Variants in SLC13A3 observed in about 807,000 individuals in gnomAD.
SLC13A3 encodes the protein solute carrier family 13 member 3.
In SLC13A3, 40 loss-of-function variants were observed where a neutral mutation model predicts 59.0. The observed-to-expected ratio is 0.68, with a 90% CI of 0.53 to 0.88. The LOEUF is 0.88. Ranked by LOEUF, SLC13A3 falls within the 40% of genes least tolerant of loss-of-function variation. SLC13A3 has a pLI of 0.00. For missense variants in SLC13A3, 699 were observed against 783.2 expected (o/e 0.89, Z 1.28); for synonymous variants, 317 against 330.3 (o/e 0.96, Z 0.44).
At chr20:46,672,626 T>C (rs1376177690), upstream of SLC13A3, among the ~76,000 whole-genome samples, 1 of 152,140 alleles carries the variant, frequency 6.6e-6, no homozygotes, top group Non-Finnish European at 1.5e-5. Context: ...TGAACCTAGG[T>C]GAGCTTCTGA....
At chr20:46,608,873 G>A in intron 3 of SLC13A3, 2 of 1,548,236 alleles carry the variant, frequency 1.3e-6, no homozygotes, top group Non-Finnish European at 1.7e-6. Flanking sequence ...TGTGGCTCCT[G>A]TCTTTGGGTC....
chr20:46,607,606 A>C (rs1454332002), intron 3 of SLC13A3, among the ~76,000 whole-genome samples: 1 of 152,210 alleles, frequency 6.6e-6, no homozygotes, highest in Non-Finnish European at 1.5e-5. Flanking sequence ...CTGGACTTCA[A>C]TGCATGGCCA....
intron 1 of SLC13A3, among the ~76,000 whole-genome samples, chr20:46,640,747 G>A (rs1446235862): frequency 6.6e-6 from 1 of 152,198 alleles, no homozygotes; most frequent in African/African-American, 2.4e-5. Context: ...GGACACACGT[G>A]TCTGACTTGT....
At position 46,610,501 on chromosome 20, in the gene SLC13A3, G is replaced by T. The variant is rs769321341; in HGVS notation, c.486C>A (p.Leu162=). ...CCTTTCGAACCTCCTTCTGGCCAAA[G>T]AGACTTTTCAGGATGGCATTGGCAA... ...LPIANAILKS[L]FGQKEVRKDP... is the part of the protein sequence containing the mutation. Residue 162 remains leucine, a synonymous_variant, in exon 3 of 13, where the codon CTC becomes CTA. Coordinates refer to ENST00000279027, the MANE Select transcript of SLC13A3 (RefSeq NM_022829.6). 1.2e-6 allele frequency: 2 copies of T among 1,614,022 alleles called. No homozygotes were observed. The highest frequency in any genetic ancestry group is 2.7e-5 in the African/African-American group (2 of 74,914).
intron 12 of SLC13A3, 47 bp downstream of exon 12, chr20:46,563,366 CG>C (rs751190917): frequency 1.8e-5 from 28 of 1,587,922 alleles, no homozygotes; most frequent in Non-Finnish European, 2.2e-5. Context: ...CGCCCCCTTG[CG>C]GCCCACCCAC....
rs2146066027 is a variant in SLC13A3, at chr20:46,559,260, G to A, written c.*762C>T. 6.6e-6 allele frequency: 1 copy of A among 152,352 alleles called. No homozygotes were observed. Among genetic ancestry groups the A allele is most frequent in the East Asian group, 1.9e-4 (1 of 5,140 alleles). The allele number at this position is 152,352 out of a possible 1,614,324, so 9.4% of individuals were successfully genotyped here. A position where few individuals can be genotyped will look rare whatever the true frequency, so the allele number is the denominator to read the frequency against. On this transcript the variant is annotated 3_prime_UTR_variant, in exon 13 of 13. Coordinates refer to ENST00000279027, the MANE Select transcript of SLC13A3 (RefSeq NM_022829.6). Reference sequence around the variant, plus strand: ...TCACCCCATGGGAGGGCAGGACCCAGGCCTGGCCTGACCCCAGAATTATGG... The same window carrying A: ...TCACCCCATGGGAGGGCAGGACCCAAGCCTGGCCTGACCCCAGAATTATGG...
intron 9 of SLC13A3, among the ~76,000 whole-genome samples, chr20:46,577,884 C>A (rs149786660): frequency 6.6e-6 from 1 of 152,254 alleles, no homozygotes; most frequent in South Asian, 2.1e-4. Flanking sequence ...GCAAAATGGG[C>A]TAACAGCACT....
chr20:46,595,335 T>C (rs1367238317), intron 5 of SLC13A3, among the ~76,000 whole-genome samples: 1 of 152,170 alleles, frequency 6.6e-6, no homozygotes, highest in Non-Finnish European at 1.5e-5. Context: ...TTTCTTTTCT[T>C]TTTTTTAGAG....
rs1464777622 is a variant in SLC13A3 at position 46,558,463 on chromosome 20, A to G, written c.*1559T>C. On this transcript the variant is annotated 3_prime_UTR_variant, in exon 13 of 13. Transcript: ENST00000279027. ...TCTTTATTTCACAGTATTTTTGATC[A>G]GAAGTCTTAGAAATCATGATTCATC... 2 of 152,232 alleles carry G rather than the reference A, an allele frequency of 1.3e-5. No individual in the cohort carries two copies. The highest frequency in any genetic ancestry group is 4.8e-5 in the African/African-American group (2 of 41,466). 9.4% of individuals were successfully genotyped at this position (152,232 alleles called of 1,614,324 possible).
chr20:46,637,095 G>A (rs998210408), intron 1 of SLC13A3, among the ~76,000 whole-genome samples: 9 of 152,108 alleles, frequency 5.9e-5, no homozygotes, highest in Admixed American at 1.3e-4. Context: ...CACCGCGCCC[G>A]GCCTGACATT....
intron 1 of SLC13A3, among the ~76,000 whole-genome samples, chr20:46,634,386 C>T (rs1478506839): frequency 2.0e-5 from 3 of 152,078 alleles, no homozygotes; most frequent in Non-Finnish European, 2.9e-5. Flanking sequence ...GGTTGCCAAC[C>T]GAGGCTCCCT....
Position 46,613,445 on chromosome 20 carries a change from A to G in SLC13A3, c.377+15T>C, listed in dbSNP as rs1330201985. 1 of 1,565,676 alleles carries G rather than the reference A, an allele frequency of 6.4e-7. No homozygotes were observed. Among genetic ancestry groups the G allele is most frequent in the South Asian group, 1.2e-5 (1 of 81,974 alleles). On this transcript the variant is annotated intron_variant, in intron 2 of 12. Transcript: ENST00000279027. ...GCCTCTCCGCTGTAGGGCTGGAACC[A>G]TTACCTGTTCTTACCTGGCCGGCTG...
intron 9 of SLC13A3, among the ~76,000 whole-genome samples, chr20:46,580,957 C>G (rs903106196): frequency 6.6e-6 from 1 of 152,120 alleles, no homozygotes; most frequent in African/African-American, 2.4e-5. Context: ...CATAAACTAC[C>G]CCTTAATTTG....
chr20:46,605,009 G>A (rs1347060345), intron 3 of SLC13A3, among the ~76,000 whole-genome samples: 1 of 152,168 alleles, frequency 6.6e-6, no homozygotes, highest in Non-Finnish European at 1.5e-5. Flanking sequence ...TGAGGTTACA[G>A]ATAGGGAAAC....
At chr20:46,567,297 G>C (rs1331971862) in intron 10 of SLC13A3, among the ~76,000 whole-genome samples, 1 of 151,930 alleles carries the variant, frequency 6.6e-6, no homozygotes. Flanking sequence ...ATTCATTGTC[G>C]TAAGAATCAC....
chr20:46,645,021 G>A (rs191452632), intron 1 of SLC13A3, among the ~76,000 whole-genome samples: 15 of 152,290 alleles, frequency 9.8e-5, no homozygotes, highest in Admixed American at 2.6e-4. Context: ...ATTTTCACTA[G>A]GCTAAAGTCA....
At chr20:46,582,328 C>T (rs2062146919) in intron 9 of SLC13A3, among the ~76,000 whole-genome samples, 1 of 151,792 alleles carries the variant, frequency 6.6e-6, no homozygotes, top group Non-Finnish European at 1.5e-5. Context: ...GGGGTTTCTC[C>T]ATGTTGCCAG....
intron 9 of SLC13A3, among the ~76,000 whole-genome samples, chr20:46,576,382 A>G (rs1281274326): frequency 1.3e-5 from 2 of 152,174 alleles, no homozygotes; most frequent in African/African-American, 4.8e-5. Flanking sequence ...GGTTGGGGGC[A>G]TAGGCTTGGA....
At chr20:46,683,187 C>T (rs919239510) in intron 1 of SLC13A3, among the ~76,000 whole-genome samples, 1 of 152,152 alleles carries the variant, frequency 6.6e-6, no homozygotes, top group African/African-American at 2.4e-5. Context: ...ATATTCAGGG[C>T]AAAAGAGTCC....
Sources: allele counts gnomAD v4.1 joint callset (sites outside exome capture counted in the v4.1 genomes callset), GRCh38; gene constraint gnomAD v4.1.1; transcripts MANE v1.5; gene names NCBI Gene and HGNC (gene_info 2026-07-23, HGNC 2026-07-21).